The following ACTR3C variants were observed in gnomAD, a reference collection of about 807,000 sequenced individuals.
ACTR3C encodes actin related protein 3C.
ACTR3C carries 18 observed loss-of-function variants against 26.3 expected under a neutral mutation model. The observed-to-expected ratio is 0.68, with a 90% CI of 0.47 to 1.01. The LOEUF (loss-of-function observed/expected upper bound fraction) is 1.01. Among genes scored for constraint, ACTR3C ranks in the 50% least tolerant of loss-of-function variants. ACTR3C has a pLI of 0.00. For synonymous variants in ACTR3C, 55 were observed against 94.5 expected, an observed-to-expected ratio of 0.58 and a Z score of 2.42; for missense variants, 184 against 250.7, an observed-to-expected ratio of 0.73 and a Z score of 1.80.
At chr7:149,995,333 T>C in the ACTR3C span, among the ~76,000 whole-genome samples, 1 of 152,254 alleles carries the variant, frequency 6.6e-6, no homozygotes, top group Non-Finnish European at 1.5e-5. Flanking sequence ...TGTTTACTCT[T>C]CTCTTTCCAT....
the ACTR3C span, among the ~76,000 whole-genome samples, chr7:150,054,125 A>G: frequency 6.6e-6 from 1 of 152,232 alleles, no homozygotes; most frequent in Non-Finnish European, 1.5e-5. Context: ...TCTGAGTAGC[A>G]GCGTCTTCTT....
At chr7:150,041,996 C>A in the ACTR3C span, among the ~76,000 whole-genome samples, 10 of 143,036 alleles carry the variant, frequency 7.0e-5, no homozygotes, top group Admixed American at 1.4e-4. Flanking sequence ...GGACAACTAA[C>A]ACCCACAGTC....
chr7:149,913,886 C>CTCATATGTCCT, the ACTR3C span, among the ~76,000 whole-genome samples: 396 of 118,952 alleles, frequency 3.3e-3, 5 homozygotes, highest in African/African-American at 8.4e-3. Flanking sequence ...TCATATGTCC[C>CTCATATGTCCT]TTTTTTTTTT....
At chr7:149,905,945 C>T in the ACTR3C span, among the ~76,000 whole-genome samples, 1 of 151,868 alleles carries the variant, frequency 6.6e-6, no homozygotes, top group Admixed American at 6.6e-5. Context: ...CTGATTATTT[C>T]CTCTCAGGAA....
the ACTR3C span, among the ~76,000 whole-genome samples, chr7:149,894,603 A>C: frequency 3.3e-5 from 5 of 152,210 alleles, no homozygotes; most frequent in East Asian, 7.7e-4. Context: ...TCTCAAAAGA[A>C]GACATACAAA....
chr7:150,180,282 G>A, the ACTR3C span, among the ~76,000 whole-genome samples: 16 of 149,988 alleles, frequency 1.1e-4, no homozygotes, highest in South Asian at 1.0e-3. Context: ...TCCAGCCCGG[G>A]CGACAGAGCG....
chr7:150,231,018 C>A, the ACTR3C span, among the ~76,000 whole-genome samples: 1 of 151,698 alleles, frequency 6.6e-6, no homozygotes, highest in African/African-American at 2.4e-5. Flanking sequence ...TTATGCTTTT[C>A]TTCTATAACT....
At chr7:150,033,842 G>A in the ACTR3C span, among the ~76,000 whole-genome samples, 4 of 151,542 alleles carry the variant, frequency 2.6e-5, no homozygotes, top group African/African-American at 4.9e-5. Context: ...CGTGGGGGGT[G>A]CCTCCGCCCC....
the ACTR3C span, among the ~76,000 whole-genome samples, chr7:149,898,537 C>G: frequency 1.3e-5 from 2 of 151,920 alleles, no homozygotes; most frequent in Non-Finnish European, 1.5e-5. Context: ...AACCACAACT[C>G]TACTAAAAAT....
the ACTR3C span, among the ~76,000 whole-genome samples, chr7:150,190,955 C>T: frequency 6.6e-6 from 1 of 152,110 alleles, no homozygotes; most frequent in Non-Finnish European, 1.5e-5. Flanking sequence ...TTCACTATCA[C>T]GGGGACAGCA....
the ACTR3C span, among the ~76,000 whole-genome samples, chr7:149,929,904 AT>A: frequency 6.6e-6 from 1 of 152,194 alleles, no homozygotes; most frequent in African/African-American, 2.4e-5. Context: ...CCCTCTCCAA[AT>A]GATCCAAGTG....
At chr7:150,125,216 C>G in the ACTR3C span, among the ~76,000 whole-genome samples, 7 of 149,528 alleles carry the variant, frequency 4.7e-5, no homozygotes, top group East Asian at 1.4e-3. Context: ...ATGACTTACT[C>G]TACCAAGTTA....
chr7:149,924,112 A>G, the ACTR3C span, among the ~76,000 whole-genome samples: 548 of 151,496 alleles, frequency 3.6e-3, 4 homozygotes, highest in Middle Eastern at 0.017. Flanking sequence ...ACGGTGGCTC[A>G]TGCCTGTAAT....
At chr7:150,316,978 T>C (rs1397445326) in intron 1 of ACTR3C, among the ~76,000 whole-genome samples, 1 of 152,222 alleles carries the variant, frequency 6.6e-6, no homozygotes, top group Non-Finnish European at 1.5e-5. Flanking sequence ...TTTTTTCACA[T>C]AGATTTTGTA....
chr7:150,068,325 C>T, the ACTR3C span, among the ~76,000 whole-genome samples: 5 of 152,166 alleles, frequency 3.3e-5, no homozygotes, highest in Non-Finnish European at 7.3e-5. Flanking sequence ...AGGCCCCAGC[C>T]ACACAGGCTT....
At chr7:149,899,846 A>G in the ACTR3C span, among the ~76,000 whole-genome samples, 1 of 145,056 alleles carries the variant, frequency 6.9e-6, no homozygotes, top group African/African-American at 2.5e-5. Flanking sequence ...ACAAAACAAA[A>G]CAAAAAAAAT....
At chr7:150,041,901 C>T in the ACTR3C span, among the ~76,000 whole-genome samples, 1 of 121,522 alleles carries the variant, frequency 8.2e-6, no homozygotes, top group Non-Finnish European at 1.8e-5. Flanking sequence ...CGATGGGGGT[C>T]CTCAGAGCCA....
chr7:149,897,696 T>C, the ACTR3C span, among the ~76,000 whole-genome samples: 2 of 152,150 alleles, frequency 1.3e-5, no homozygotes, highest in South Asian at 4.1e-4. Context: ...TGAAACCCCA[T>C]CTGTTCTTAA....
the ACTR3C span, among the ~76,000 whole-genome samples, chr7:150,042,988 C>A: frequency 3.3e-5 from 5 of 151,378 alleles, no homozygotes; most frequent in East Asian, 3.9e-4. Context: ...TCCCCGCCCC[C>A]TTTGTGACCT....
Sources: gnomAD v4.1 joint callset for allele counts (sites outside exome capture counted in the v4.1 genomes callset) on GRCh38, gnomAD v4.1.1 for gene constraint, MANE v1.5 for transcripts, NCBI Gene and HGNC (gene_info 2026-07-23, HGNC 2026-07-21) for gene names.